Variants in LRTM3 observed in about 807,000 individuals in gnomAD.
LRTM3 encodes leucine rich repeat transmembrane protein 3.
chr13:102,734,070 C>T, the LRTM3 span: 1 of 1,551,430 alleles, frequency 6.4e-7, no homozygotes, highest in African/African-American at 1.4e-5. Flanking sequence ...CATGCTTCAT[C>T]TTTATCTTTG....
At chr13:102,739,448 A>C in the LRTM3 span, 17 of 1,550,606 alleles carry the variant, frequency 1.1e-5, no homozygotes, top group Non-Finnish European at 1.5e-5. Flanking sequence ...GCAGCCCTTT[A>C]GAGTTCCTGA....
At chr13:102,744,239 C>T in the LRTM3 span, 3 of 1,550,200 alleles carry the variant, frequency 1.9e-6, no homozygotes, top group African/African-American at 1.4e-5. Context: ...ACATTTGGGA[C>T]TCATACTTTT....
At chr13:102,745,345 G>A in the LRTM3 span, 3 of 1,550,562 alleles carry the variant, frequency 1.9e-6, no homozygotes, top group South Asian at 2.4e-5. Flanking sequence ...GAGTAGAACT[G>A]AGTCTTTTTT....
At chr13:102,751,868 C>T in the LRTM3 span, among the ~76,000 whole-genome samples, 1 of 152,042 alleles carries the variant, frequency 6.6e-6, no homozygotes, top group African/African-American at 2.4e-5. Context: ...CCAAGGGGAC[C>T]CCAAAGGAAT....
the LRTM3 span, among the ~76,000 whole-genome samples, chr13:102,750,890 C>T: frequency 2.0e-5 from 3 of 152,164 alleles, no homozygotes; most frequent in Admixed American, 6.5e-5. Context: ...AATTTTGGGC[C>T]GGAGTACTGA....
chr13:102,748,566 T>C, the LRTM3 span: 1 of 1,550,810 alleles, frequency 6.4e-7, no homozygotes, highest in Non-Finnish European at 8.7e-7. Flanking sequence ...TTCATTCTAT[T>C]GTTCGATTCC....
At chr13:102,735,489 G>A in the LRTM3 span, 1 of 1,551,258 alleles carries the variant, frequency 6.4e-7, no homozygotes. Context: ...ATGCTTGGCA[G>A]TCCTTTAACT....
At chr13:102,752,913 A>G in the LRTM3 span, among the ~76,000 whole-genome samples, 1 of 152,238 alleles carries the variant, frequency 6.6e-6, no homozygotes, top group Non-Finnish European at 1.5e-5. Context: ...TAACTTATTT[A>G]GAGTGGGGCC....
the LRTM3 span, chr13:102,745,901 T>C: frequency 1.3e-6 from 2 of 1,551,186 alleles, no homozygotes; most frequent in Non-Finnish European, 1.7e-6. Context: ...TGGTTGTACC[T>C]GAATATTTGT....
the LRTM3 span, chr13:102,739,534 C>T: frequency 1.3e-6 from 2 of 1,550,146 alleles, no homozygotes; most frequent in Non-Finnish European, 1.7e-6. Context: ...ACAAGTTTGT[C>T]AGTTTCATAC....
the LRTM3 span, chr13:102,758,517 A>C: frequency 8.4e-6 from 13 of 1,540,622 alleles, no homozygotes; most frequent in East Asian, 3.2e-4. Flanking sequence ...GTTTTATATT[A>C]AAATGTGAAA....
the LRTM3 span, among the ~76,000 whole-genome samples, chr13:102,754,690 C>T: frequency 4.6e-5 from 7 of 152,206 alleles, no homozygotes; most frequent in East Asian, 1.9e-4. Flanking sequence ...ACATTAGGTA[C>T]GTCTCCCCAT....
chr13:102,735,133 TTCC>T, the LRTM3 span: 3 of 1,551,294 alleles, frequency 1.9e-6, no homozygotes, highest in South Asian at 3.6e-5. Context: ...TCTGGACCTT[TTCC>T]TCCTCTTGCT....
At chr13:102,739,128 A>G in the LRTM3 span, 1 of 1,550,348 alleles carries the variant, frequency 6.5e-7, no homozygotes, top group South Asian at 1.2e-5. Context: ...GAAAGAATAG[A>G]AGCACAGAGT....
the LRTM3 span, among the ~76,000 whole-genome samples, chr13:102,753,816 A>G: frequency 0.019 from 2,925 of 152,282 alleles, 71 homozygotes; most frequent in African/African-American, 0.066. Flanking sequence ...CTACTCTCCA[A>G]CACCTGTTCT....
At chr13:102,733,647 C>A in the LRTM3 span, 10 of 1,551,202 alleles carry the variant, frequency 6.4e-6, no homozygotes, top group African/African-American at 4.1e-5. Context: ...ACAGGCTGAG[C>A]CTTTTTCCCT....
the LRTM3 span, chr13:102,731,719 G>T: frequency 3.9e-6 from 6 of 1,551,272 alleles, no homozygotes; most frequent in Admixed American, 2.0e-5. Context: ...TTTTGACTTC[G>T]CTACTTTTAA....
the LRTM3 span, chr13:102,744,569 T>C: frequency 1.3e-6 from 2 of 1,550,578 alleles, no homozygotes; most frequent in Non-Finnish European, 1.7e-6. Flanking sequence ...GTGTGTTTCT[T>C]GCTTTGTTTT....
chr13:102,746,457 G>A, the LRTM3 span: 786 of 1,551,046 alleles, frequency 5.1e-4, 11 homozygotes, highest in South Asian at 9.1e-3. Flanking sequence ...GGAGAGCAAA[G>A]GGTATTTAGA....
Sources: gnomAD v4.1 joint callset for allele counts (sites outside exome capture counted in the v4.1 genomes callset) on GRCh38, gnomAD v4.1.1 for gene constraint, MANE v1.5 for transcripts, NCBI Gene and HGNC (gene_info 2026-07-23, HGNC 2026-07-21) for gene names.